Variants in COG5 observed in about 807,000 individuals in gnomAD.
The protein encoded by COG5 is conserved oligomeric Golgi complex subunit 5.
In COG5, 86 loss-of-function variants were observed where a neutral mutation model predicts 110.4. The ratio of observed to expected loss-of-function variants is 0.78; its 90% CI spans 0.65 to 0.93. COG5 has a LOEUF of 0.93. Among genes scored for constraint, COG5 ranks in the 40% least tolerant of loss-of-function variants. COG5 has a pLI of 0.00. For missense variants in COG5, 1,077 were observed against 987.0 expected (o/e 1.09, Z -1.22); for synonymous variants, 360 against 334.6 (o/e 1.08, Z -0.83).
At chr7:107,271,628 T>C (rs78991811) in intron 14 of COG5, among the ~76,000 whole-genome samples, 162 of 152,250 alleles carry the variant, frequency 1.1e-3, no homozygotes, top group Non-Finnish European at 1.9e-3. Flanking sequence ...ATAGAAATAG[T>C]TGGTTTTCAG....
intron 19 of COG5, among the ~76,000 whole-genome samples, chr7:107,228,413 C>A (rs1487421738): frequency 2.0e-5 from 3 of 151,212 alleles, no homozygotes; most frequent in Non-Finnish European, 4.4e-5. Context: ...AGTATGTTAA[C>A]TGACTCAGCC....
intron 7 of COG5, among the ~76,000 whole-genome samples, chr7:107,375,129 T>C (rs1814519240): frequency 6.6e-6 from 1 of 152,108 alleles, no homozygotes; most frequent in Admixed American, 6.5e-5. Context: ...CAGTATGTAT[T>C]ATCTTGTGGC....
intron 11 of COG5, among the ~76,000 whole-genome samples, chr7:107,324,213 A>G (rs911364757): frequency 2.0e-5 from 3 of 152,160 alleles, no homozygotes; most frequent in Non-Finnish European, 4.4e-5. Context: ...ATTTTTCTGG[A>G]GAATTTTATT....
At chr7:107,500,358 C>G (rs983826928) in intron 6 of COG5, among the ~76,000 whole-genome samples, 1 of 152,140 alleles carries the variant, frequency 6.6e-6, no homozygotes, top group Non-Finnish European at 1.5e-5. Flanking sequence ...AATTTAGATA[C>G]GGATTTCTTT....
chr7:107,410,448 T>C (rs2129065795), intron 7 of COG5, among the ~76,000 whole-genome samples: 1 of 152,272 alleles, frequency 6.6e-6, no homozygotes, highest in African/African-American at 2.4e-5. Flanking sequence ...GGGTTCATTT[T>C]GTTTTGTTTT....
At chr7:107,465,331 T>A (rs1488166430) in intron 6 of COG5, among the ~76,000 whole-genome samples, 1 of 152,204 alleles carries the variant, frequency 6.6e-6, no homozygotes, top group Non-Finnish European at 1.5e-5. Flanking sequence ...CAATTGGATT[T>A]TTTTAAAAAA....
In COG5 at chr7:107,241,351, T is replaced by C. The variant is rs1215725763; in HGVS notation, c.1854-4664A>G. Among the ~76,000 whole-genome samples the C allele has an allele frequency of 2.6e-5, 4 of 151,256 alleles. No individual in the cohort carries two copies. The South Asian group carries it at 8.3e-4, about 31-fold the overall frequency. ...CCTATGTTATATTGAGTTCCAAATATAGTTTTTTTTTCGGTAGAATTCACT... is the reference window on the plus strand; with the variant it reads ...CCTATGTTATATTGAGTTCCAAATACAGTTTTTTTTTCGGTAGAATTCACT... On this transcript the variant is annotated intron_variant, in intron 17 of 21. Transcript: ENST00000297135.
intron 18 of COG5, among the ~76,000 whole-genome samples, chr7:107,232,206 G>C (rs1292181374): frequency 6.6e-6 from 1 of 152,190 alleles, no homozygotes; most frequent in African/African-American, 2.4e-5. Flanking sequence ...TGCCAACAAT[G>C]CAAAACAGAA....
intron 6 of COG5, among the ~76,000 whole-genome samples, chr7:107,499,654 G>T (rs1798512436): frequency 6.6e-6 from 1 of 152,046 alleles, no homozygotes; most frequent in Non-Finnish European, 1.5e-5. Flanking sequence ...AGATCAGGCT[G>T]CCTCAGACCT....
intron 6 of COG5, among the ~76,000 whole-genome samples, chr7:107,448,764 C>T (rs1205869098): frequency 6.6e-6 from 1 of 151,714 alleles, no homozygotes; most frequent in East Asian, 1.9e-4. Context: ...GATTTTTTTC[C>T]CAATAAATAC....
intron 14 of COG5, among the ~76,000 whole-genome samples, chr7:107,260,610 T>C (rs78283125): frequency 0.02 from 3,003 of 152,246 alleles, 101 homozygotes; most frequent in African/African-American, 0.067. Context: ...GATTCCAAGG[T>C]TATCGACTGA....
intron 6 of COG5, among the ~76,000 whole-genome samples, chr7:107,492,685 G>A (rs1395950921): frequency 6.6e-6 from 1 of 152,082 alleles, no homozygotes; most frequent in Non-Finnish European, 1.5e-5. Context: ...TACTTCTCAT[G>A]CTTCAAATCT....
At chr7:107,548,212 C>A in intron 4 of COG5, 32 bp from the exon 5 acceptor site, 1 of 1,607,426 alleles carries the variant, frequency 6.2e-7, no homozygotes, top group South Asian at 1.1e-5. Flanking sequence ...AGAATAAAAT[C>A]ATTTTCAGAA....
At chr7:107,416,096 T>C (rs1410550426) in intron 6 of COG5, among the ~76,000 whole-genome samples, 1 of 151,494 alleles carries the variant, frequency 6.6e-6, no homozygotes, top group East Asian at 2.0e-4. Context: ...TGGGACTATC[T>C]GATAAGGTTT....
chr7:107,558,618 G>A (rs889710264), intron 1 of COG5, among the ~76,000 whole-genome samples: 1 of 148,472 alleles, frequency 6.7e-6, no homozygotes, highest in Non-Finnish European at 1.5e-5. Flanking sequence ...CGGGCGCGGT[G>A]GCTCACACCT....
intron 12 of COG5, among the ~76,000 whole-genome samples, chr7:107,285,932 TA>T (rs1403750331): frequency 1.3e-5 from 2 of 150,762 alleles, no homozygotes; most frequent in African/African-American, 4.9e-5. Context: ...TACACAAAAA[TA>T]AAAATTTAAA....
In COG5 at chr7:107,229,915, A is replaced by G. The variant is rs147043261; in HGVS notation, c.2168+700T>C. Among the ~76,000 whole-genome samples, 858 of 138,400 alleles carry G rather than the reference A, an allele frequency of 6.2e-3. 5 individuals are homozygous for G. The highest frequency in any genetic ancestry group is 0.023 in the African/African-American group (834 of 36,276). The allele number at this position is 138,400 out of a possible 152,430, so 90.8% of individuals were successfully genotyped here. ...CGCCAGGCTGGGGTGCACTGGCGTG[A>G]TCTCGGCTCACTGCAACCTCTGACT... On this transcript the variant is annotated intron_variant, in intron 19 of 21. Coordinates refer to ENST00000297135, the MANE Select transcript of COG5 (RefSeq NM_006348.5).
At position 107,438,045 on chromosome 7, in the gene COG5, C is replaced by G. The variant is rs141206466; in HGVS notation, c.539-25413G>C. On this transcript the variant is annotated intron_variant, in intron 6 of 21. Coordinates refer to ENST00000297135, the MANE Select transcript of COG5 (RefSeq NM_006348.5). ...TCTTCCTTCTTTTCCTACCTGGAAACTAGATTCAACGCCTGAAGATAAAGC... is the reference window on the plus strand; with the variant it reads ...TCTTCCTTCTTTTCCTACCTGGAAAGTAGATTCAACGCCTGAAGATAAAGC... Among the ~76,000 whole-genome samples the G allele has an allele frequency of 2.4e-4, 36 of 152,224 alleles. No individual in the cohort carries two copies. The East Asian group carries it at 6.8e-3, about 29-fold the overall frequency.
intron 6 of COG5, among the ~76,000 whole-genome samples, chr7:107,506,362 T>C (rs991619778): frequency 1.3e-5 from 2 of 152,150 alleles, no homozygotes; most frequent in Non-Finnish European, 2.9e-5. Context: ...TTCTGTCCTT[T>C]GTGTTAAACT....
Sources: allele counts gnomAD v4.1 joint callset (sites outside exome capture counted in the v4.1 genomes callset), GRCh38; gene constraint gnomAD v4.1.1; transcripts MANE v1.5; gene names NCBI Gene and HGNC (gene_info 2026-07-23, HGNC 2026-07-21).